The following SLC2A13 variants were observed in gnomAD, a reference collection of about 807,000 sequenced individuals.
The protein encoded by SLC2A13 is proton myo-inositol cotransporter.
Under a neutral mutation model 64.4 loss-of-function variants are expected in SLC2A13, and 32 were observed. The observed-to-expected ratio is 0.50, with a 90% CI of 0.37 to 0.67. SLC2A13 has a LOEUF of 0.67. Among genes scored for constraint, SLC2A13 ranks in the 30% least tolerant of loss-of-function variants. The pLI is 0.00. For synonymous variants in SLC2A13, 338 were observed against 327.1 expected, an observed-to-expected ratio of 1.03 and a Z score of -0.36; for missense variants, 743 against 829.2, an observed-to-expected ratio of 0.90 and a Z score of 1.28.
chr12:39,935,286 C>T (rs984192267), intron 4 of SLC2A13, among the ~76,000 whole-genome samples: 1 of 152,130 alleles, frequency 6.6e-6, no homozygotes, highest in Non-Finnish European at 1.5e-5. Flanking sequence ...TATTATAAAT[C>T]ATTAGATATG....
At chr12:39,935,168 T>C (rs1260561303) in intron 4 of SLC2A13, among the ~76,000 whole-genome samples, 8 of 152,172 alleles carry the variant, frequency 5.3e-5, no homozygotes, top group Non-Finnish European at 7.3e-5. Context: ...GGTGGGAAGA[T>C]AGCTTGAGCC....
At chr12:39,944,004 G>C (rs1326401789) in intron 4 of SLC2A13, among the ~76,000 whole-genome samples, 4 of 152,158 alleles carry the variant, frequency 2.6e-5, no homozygotes, top group East Asian at 1.9e-4. Flanking sequence ...TTTCCTCTTA[G>C]CATCACCTTT....
At chr12:39,944,014 T>C (rs1946091192) in intron 4 of SLC2A13, among the ~76,000 whole-genome samples, 1 of 152,216 alleles carries the variant, frequency 6.6e-6, no homozygotes, top group South Asian at 2.1e-4. Context: ...GCATCACCTT[T>C]GCTGTAACCC....
intron 7 of SLC2A13, chr12:39,829,423 T>TTTTTTTTTG: frequency 7.7e-6 from 1 of 129,160 alleles, no homozygotes; most frequent in African/African-American, 3.0e-5. Context: ...TTTCTTTTTT[T>TTTTTTTTTG]TGAGGCAGAG....
At chr12:39,912,786 T>G (rs1454610736) in intron 4 of SLC2A13, among the ~76,000 whole-genome samples, 1 of 152,052 alleles carries the variant, frequency 6.6e-6, no homozygotes, top group African/African-American at 2.4e-5. Context: ...CCTCTGCCCC[T>G]CCCTGCTGTG....
intron 3 of SLC2A13, among the ~76,000 whole-genome samples, chr12:39,997,956 G>A (rs576782995): frequency 1.7e-4 from 26 of 152,308 alleles, no homozygotes; most frequent in Admixed American, 3.9e-4. Context: ...ATGGAAAGCC[G>A]TGTGGAGATT....
intron 2 of SLC2A13, among the ~76,000 whole-genome samples, chr12:40,030,647 T>C (rs1156333816): frequency 2.0e-5 from 3 of 152,058 alleles, no homozygotes; most frequent in Admixed American, 6.6e-5. Flanking sequence ...AGGTCCAAGA[T>C]GCTCACATAA....
chr12:39,955,299 A>G (rs781696139), intron 3 of SLC2A13, among the ~76,000 whole-genome samples: 49 of 152,204 alleles, frequency 3.2e-4, no homozygotes, highest in Admixed American at 2.2e-3. Flanking sequence ...AAAGAATCTA[A>G]ACACATAGCC....
At chr12:39,890,606 G>A (rs988235338) in intron 4 of SLC2A13, among the ~76,000 whole-genome samples, 1 of 152,040 alleles carries the variant, frequency 6.6e-6, no homozygotes, top group Admixed American at 6.5e-5. Flanking sequence ...TAATTTGTGG[G>A]ATTTTTTTCA....
chr12:39,960,596 T>C (rs1490306878), intron 3 of SLC2A13, among the ~76,000 whole-genome samples: 1 of 152,122 alleles, frequency 6.6e-6, no homozygotes, highest in East Asian at 1.9e-4. Flanking sequence ...GCCAGGCTGG[T>C]CTCGAACTCC....
intron 4 of SLC2A13, among the ~76,000 whole-genome samples, chr12:39,889,405 A>C (rs1382347651): frequency 6.6e-6 from 1 of 151,998 alleles, no homozygotes; most frequent in Admixed American, 6.6e-5. Context: ...ATAGCCTTAT[A>C]CTCTAACAAA....
intron 4 of SLC2A13, among the ~76,000 whole-genome samples, chr12:39,900,769 T>G (rs1336465917): frequency 2.0e-5 from 3 of 152,134 alleles, no homozygotes; most frequent in Admixed American, 6.5e-5. Context: ...CTGCCCAAGG[T>G]AATTTATAGA....
chr12:40,065,856 C>T (rs912032288), intron 1 of SLC2A13, among the ~76,000 whole-genome samples: 35 of 152,134 alleles, frequency 2.3e-4, no homozygotes, highest in African/African-American at 8.4e-4. Context: ...CACAAAAGCA[C>T]GTTGAAATAG....
chr12:39,922,716 T>G (rs904896024), intron 4 of SLC2A13, among the ~76,000 whole-genome samples: 3 of 152,212 alleles, frequency 2.0e-5, no homozygotes, highest in African/African-American at 4.8e-5. Context: ...TCAAGCCTAT[T>G]GCATTTTACA....
chr12:39,868,060 T>C (rs1418834673), intron 5 of SLC2A13, among the ~76,000 whole-genome samples: 2 of 152,258 alleles, frequency 1.3e-5, no homozygotes, highest in Non-Finnish European at 1.5e-5. Flanking sequence ...ATTTAGTTAG[T>C]TACAGATGTT....
intron 6 of SLC2A13, among the ~76,000 whole-genome samples, chr12:39,859,263 AAAAAC>A: frequency 1.4e-5 from 2 of 145,232 alleles, no homozygotes; most frequent in Admixed American, 1.4e-4. Context: ...TCAAGAAGCA[AAAAAC>A]AAAACAAAAC....
At chr12:39,805,757 T>C (rs547881727) in intron 7 of SLC2A13, among the ~76,000 whole-genome samples, 165 of 152,270 alleles carry the variant, frequency 1.1e-3, no homozygotes, top group South Asian at 5.0e-3. Flanking sequence ...TAGGTATCAA[T>C]GAAACCAGAT....
chr12:39,797,601 T>C (rs1210370198), intron 7 of SLC2A13, among the ~76,000 whole-genome samples: 2 of 152,172 alleles, frequency 1.3e-5, no homozygotes, highest in Non-Finnish European at 2.9e-5. Flanking sequence ...TTGTCTCTCA[T>C]TGGTAACTTT....
chr12:39,971,581 C>A (rs535458), intron 3 of SLC2A13, among the ~76,000 whole-genome samples: 8,652 of 152,070 alleles, frequency 0.057, 372 homozygotes, highest in Middle Eastern at 0.14. Context: ...GGAGTAAATT[C>A]ATAGTGCAGT....
Sources: allele counts gnomAD v4.1 joint callset (sites outside exome capture counted in the v4.1 genomes callset), GRCh38; gene constraint gnomAD v4.1.1; transcripts MANE v1.5; gene names NCBI Gene and HGNC (gene_info 2026-07-23, HGNC 2026-07-21).